GPM6A: variants seen among roughly 807,000 people sequenced by gnomAD.
GPM6A encodes the protein glycoprotein M6A, also known as neuronal membrane glycoprotein M6-a.
In GPM6A, 7 loss-of-function variants were observed where a neutral mutation model predicts 32.1. The ratio of observed to expected loss-of-function variants is 0.22; its 90% CI spans 0.12 to 0.41. The LOEUF is 0.41. Among genes scored for constraint, GPM6A ranks in the 10% least tolerant of loss-of-function variants. GPM6A has a pLI of 1.00. For synonymous variants in GPM6A, 130 were observed against 123.4 expected (o/e 1.05, Z -0.35); for missense variants, 235 against 347.2 (o/e 0.68, Z 2.57).
intron 2 of GPM6A, among the ~76,000 whole-genome samples, chr4:175,700,598 TA>T (rs1744824179): frequency 6.6e-6 from 1 of 152,162 alleles, no homozygotes; most frequent in Admixed American, 6.6e-5. Context: ...TCATATTAGT[TA>T]AAAATGTATA....
intron 1 of GPM6A, among the ~76,000 whole-genome samples, chr4:175,731,338 C>T (rs1471987684): frequency 1.3e-5 from 2 of 152,120 alleles, no homozygotes; most frequent in Non-Finnish European, 2.9e-5. Flanking sequence ...CAAACCACAC[C>T]TCCGCCACAC....
At chr4:175,916,494 G>A (rs1356195105) in intron 1 of GPM6A, among the ~76,000 whole-genome samples, 5 of 152,120 alleles carry the variant, frequency 3.3e-5, no homozygotes, top group African/African-American at 1.2e-4. Context: ...CTGTTTCAGA[G>A]GGAAGTTATG....
intron 1 of GPM6A, among the ~76,000 whole-genome samples, chr4:175,904,380 C>T (rs1458776511): frequency 6.6e-6 from 1 of 152,084 alleles, no homozygotes. Context: ...AGATATTTGA[C>T]TTTGAGTGAT....
At chr4:175,993,686 T>A (rs1741219857) in intron 1 of GPM6A, among the ~76,000 whole-genome samples, 1 of 152,220 alleles carries the variant, frequency 6.6e-6, no homozygotes, top group South Asian at 2.1e-4. Flanking sequence ...GCAAATAGCT[T>A]GATGATAAGA....
chr4:175,889,631 G>C (rs1020023849), intron 1 of GPM6A, among the ~76,000 whole-genome samples: 1 of 152,104 alleles, frequency 6.6e-6, no homozygotes, highest in Non-Finnish European at 1.5e-5. Context: ...GGCTAACCCG[G>C]TGAAACCCCG....
chr4:175,718,008 C>T (rs757033925), intron 1 of GPM6A, among the ~76,000 whole-genome samples: 37 of 152,086 alleles, frequency 2.4e-4, no homozygotes, highest in Admixed American at 8.5e-4. Flanking sequence ...TGTGCCCTCA[C>T]GACCACAGCA....
chr4:175,721,744 T>C (rs1469546317), intron 1 of GPM6A, among the ~76,000 whole-genome samples: 4 of 152,208 alleles, frequency 2.6e-5, no homozygotes, highest in Non-Finnish European at 5.9e-5. Context: ...AATAGGTAGA[T>C]AATAGGTATT....
chr4:175,916,495 G>A (rs188360568), intron 1 of GPM6A, among the ~76,000 whole-genome samples: 1 of 152,208 alleles, frequency 6.6e-6, no homozygotes, highest in East Asian at 1.9e-4. Context: ...TGTTTCAGAG[G>A]GAAGTTATGA....
intron 1 of GPM6A, among the ~76,000 whole-genome samples, chr4:175,960,183 T>C (rs888637662): frequency 6.6e-6 from 1 of 152,240 alleles, no homozygotes; most frequent in African/African-American, 2.4e-5. Flanking sequence ...GGGACCAATG[T>C]GTTTGAATTA....
At chr4:175,708,402 TG>T (rs1485411148) in intron 1 of GPM6A, among the ~76,000 whole-genome samples, 2 of 150,688 alleles carry the variant, frequency 1.3e-5, no homozygotes, top group African/African-American at 4.9e-5. Context: ...TTTATTTATT[TG>T]AGATGGAGTT....
At chr4:175,636,218 T>G (rs2110860348) in intron 6 of GPM6A, among the ~76,000 whole-genome samples, 1 of 144,302 alleles carries the variant, frequency 6.9e-6, no homozygotes, top group Middle Eastern at 3.8e-3. Context: ...TGAGTTATAT[T>G]CTTGTACATT....
At chr4:175,725,748 C>A (rs1187559327) in intron 1 of GPM6A, among the ~76,000 whole-genome samples, 1 of 152,094 alleles carries the variant, frequency 6.6e-6, no homozygotes, top group Non-Finnish European at 1.5e-5. Context: ...TGTCTTCTGT[C>A]TATCATATAG....
chr4:175,848,636 T>G (rs1736160886), intron 1 of GPM6A, among the ~76,000 whole-genome samples: 1 of 152,154 alleles, frequency 6.6e-6, no homozygotes, highest in South Asian at 2.1e-4. Flanking sequence ...AAATTATAAT[T>G]CCATTTTGGT....
chr4:175,738,615 G>C (rs987745658), intron 1 of GPM6A, among the ~76,000 whole-genome samples: 36 of 151,670 alleles, frequency 2.4e-4, no homozygotes, highest in African/African-American at 8.7e-4. Flanking sequence ...GAAAAATAGA[G>C]GGCTCAGAAG....
At chr4:175,755,648 T>C (rs1318117462) in intron 1 of GPM6A, among the ~76,000 whole-genome samples, 1 of 152,178 alleles carries the variant, frequency 6.6e-6, no homozygotes, top group Non-Finnish European at 1.5e-5. Flanking sequence ...ATAAAAAAGT[T>C]TCCTCCAATT....
intron 1 of GPM6A, among the ~76,000 whole-genome samples, chr4:175,913,417 C>A (rs1225884984): frequency 6.6e-6 from 1 of 152,182 alleles, no homozygotes; most frequent in Non-Finnish European, 1.5e-5. Context: ...CTCCCTTTCC[C>A]AAAGTAGTAG....
intron 1 of GPM6A, among the ~76,000 whole-genome samples, chr4:175,964,983 G>T (rs1740288862): frequency 6.6e-6 from 1 of 152,228 alleles, no homozygotes; most frequent in African/African-American, 2.4e-5. Flanking sequence ...TATTACAGTT[G>T]CAGACTTAAA....
intron 2 of GPM6A, among the ~76,000 whole-genome samples, chr4:175,691,483 T>G (rs1229104578): frequency 6.6e-6 from 1 of 152,210 alleles, no homozygotes; most frequent in East Asian, 1.9e-4. Context: ...ACTACCAGTT[T>G]TTAATTTATT....
intron 1 of GPM6A, among the ~76,000 whole-genome samples, chr4:175,928,193 G>T (rs1484159447): frequency 6.6e-6 from 1 of 152,112 alleles, no homozygotes; most frequent in Admixed American, 6.6e-5. Context: ...AATCCTGAAG[G>T]CTTGAAAAGA....
Sources: allele counts gnomAD v4.1 joint callset (sites outside exome capture counted in the v4.1 genomes callset), GRCh38; gene constraint gnomAD v4.1.1; transcripts MANE v1.5; gene names NCBI Gene and HGNC (gene_info 2026-07-23, HGNC 2026-07-21).